Variants in CNTLN observed in about 807,000 individuals in gnomAD.
The protein encoded by CNTLN is centlein, also known as centlein, centrosomal protein.
In CNTLN, 212 loss-of-function variants were observed where a neutral mutation model predicts 180.0. The ratio of observed to expected loss-of-function variants is 1.18; its 90% CI spans 1.05 to 1.32. The LOEUF (loss-of-function observed/expected upper bound fraction) is 1.32, where lower values mean the gene tolerates loss of function less well. Ranked by LOEUF, CNTLN falls within the 40% of genes most tolerant of loss-of-function variation. CNTLN has a pLI of 0.00. For synonymous variants in CNTLN, 722 were observed against 563.1 expected (o/e 1.28, Z -3.99); for missense variants, 2,095 against 1,610.9 (o/e 1.30, Z -5.14).
At position 17,143,292 on chromosome 9, in the gene CNTLN, A is replaced by G; in HGVS notation, c.365A>G (p.Asp122Gly). The G allele has an allele frequency of 1.2e-6, 2 of 1,610,246 alleles. No individual in the cohort carries two copies. Among genetic ancestry groups the G allele is most frequent in the Non-Finnish European group, 1.7e-6 (2 of 1,177,226 alleles). ...ATTCTCTTTTATTTCTTTAAGGCTGATAAAGAATTTGTATGGTCTTTGTGG... is the reference window on the plus strand; with the variant it reads ...ATTCTCTTTTATTTCTTTAAGGCTGGTAAAGAATTTGTATGGTCTTTGTGG... ...LKEELALCQA[D>G]KEFVWSLWKR... is the part of the protein sequence containing the mutation. The change falls in exon 2 of 26, where the codon GAT (aspartate) becomes GGT (glycine). Residue 122 changes from aspartate (D) to glycine (G), a missense_variant. Transcript: ENST00000380647.
At chr9:17,336,536 A>AT (rs1431037691) in intron 10 of CNTLN, among the ~76,000 whole-genome samples, 2 of 152,130 alleles carry the variant, frequency 1.3e-5, no homozygotes, top group African/African-American at 2.4e-5. Flanking sequence ...ATTTTAAAAG[A>AT]TTTTTTCTTA....
chr9:17,490,798 A>G (rs1441624695), intron 25 of CNTLN, among the ~76,000 whole-genome samples: 1 of 152,150 alleles, frequency 6.6e-6, no homozygotes. Flanking sequence ...AAAAGAATAC[A>G]TTTAAAAGTA....
intron 5 of CNTLN, among the ~76,000 whole-genome samples, chr9:17,267,685 G>A (rs960671859): frequency 2.0e-5 from 3 of 152,122 alleles, no homozygotes; most frequent in Non-Finnish European, 1.5e-5. Context: ...CCAATCAGAC[G>A]TAGATTTGGT....
chr9:17,162,705 G>T (rs1395023426), intron 2 of CNTLN, among the ~76,000 whole-genome samples: 1 of 152,176 alleles, frequency 6.6e-6, no homozygotes, highest in Admixed American at 6.5e-5. Context: ...TGCACCTGAG[G>T]ATGGAGGGAG....
intron 5 of CNTLN, among the ~76,000 whole-genome samples, chr9:17,267,081 A>G (rs984085567): frequency 6.6e-5 from 10 of 152,062 alleles, no homozygotes; most frequent in African/African-American, 1.7e-4. Flanking sequence ...GCCTGTCATT[A>G]TGATGTTAGC....
At chr9:17,191,821 A>G (rs1821805745) in intron 2 of CNTLN, among the ~76,000 whole-genome samples, 1 of 152,230 alleles carries the variant, frequency 6.6e-6, no homozygotes, top group Admixed American at 6.5e-5. Flanking sequence ...ATGAATAAAC[A>G]GAAAAGAAAA....
intron 25 of CNTLN, among the ~76,000 whole-genome samples, chr9:17,493,066 C>T (rs1459162709): frequency 6.6e-6 from 1 of 152,026 alleles, no homozygotes; most frequent in East Asian, 1.9e-4. Context: ...TTGTCAAGGG[C>T]TGGTGGAACG....
At chr9:17,506,778 G>A (rs1482960185), downstream of CNTLN, among the ~76,000 whole-genome samples, 1 of 152,008 alleles carries the variant, frequency 6.6e-6, no homozygotes, top group African/African-American at 2.4e-5. Flanking sequence ...CCTTTTATTG[G>A]CCTATGTTCA....
chr9:17,320,413 T>C (rs1819829310), intron 8 of CNTLN, among the ~76,000 whole-genome samples: 1 of 151,904 alleles, frequency 6.6e-6, no homozygotes, highest in Non-Finnish European at 1.5e-5. Flanking sequence ...TCCATGAAGA[T>C]AACTACCATG....
intron 5 of CNTLN, among the ~76,000 whole-genome samples, chr9:17,243,842 A>G (rs531970456): frequency 1.4e-3 from 216 of 152,256 alleles, no homozygotes; most frequent in African/African-American, 4.7e-3. Context: ...TGTAGTGCAG[A>G]TGAGTCTGTT....
chr9:17,328,050 T>G (rs542875137), intron 8 of CNTLN, among the ~76,000 whole-genome samples: 1 of 152,318 alleles, frequency 6.6e-6, no homozygotes, highest in South Asian at 2.1e-4. Flanking sequence ...TTACAGTCCC[T>G]CTACTTAGAA....
rs370657579 is a variant in CNTLN at position 17,202,406 on chromosome 9, A to T, written c.450-23797A>T. Among the ~76,000 whole-genome samples, 171 of 151,650 alleles carry T rather than the reference A, an allele frequency of 1.1e-3. 3 individuals carry two copies. In the South Asian group the frequency reaches 0.033, roughly 29 times the overall value. On this transcript the variant is annotated intron_variant, in intron 2 of 25. Transcript: ENST00000380647. ...AATATCCTTGTTAATTTTCTGTCTC[A>T]TTATTGACAGTGGGGTGTTAAACTC...
At chr9:17,383,039 A>G (rs879737764) in intron 13 of CNTLN, among the ~76,000 whole-genome samples, 1 of 152,118 alleles carries the variant, frequency 6.6e-6, no homozygotes, top group Non-Finnish European at 1.5e-5. Context: ...CTTTAACAAT[A>G]GAACTGAGGT....
intron 2 of CNTLN, among the ~76,000 whole-genome samples, chr9:17,185,771 T>TTGTGTGTGTG (rs371473319): frequency 0.021 from 3,056 of 143,684 alleles, 67 homozygotes; most frequent in African/African-American, 0.055. Context: ...TGTTTCCCAT[T>TTGTGTGTGTG]TGTGTGTGTG....
intron 3 of CNTLN, among the ~76,000 whole-genome samples, chr9:17,233,606 A>G (rs1824946363): frequency 1.3e-5 from 2 of 152,304 alleles, no homozygotes; most frequent in South Asian, 4.1e-4. Context: ...TGTTCATAGC[A>G]GTATTGTTTG....
intron 13 of CNTLN, among the ~76,000 whole-genome samples, chr9:17,367,619 C>G (rs1583989): frequency 2.6e-5 from 4 of 151,534 alleles, no homozygotes; most frequent in Non-Finnish European, 5.9e-5. Flanking sequence ...GAAGAAAGAT[C>G]AAATAGGTCT....
At chr9:17,228,848 A>G (rs1285478529) in intron 3 of CNTLN, among the ~76,000 whole-genome samples, 1 of 152,104 alleles carries the variant, frequency 6.6e-6, no homozygotes, top group African/African-American at 2.4e-5. Context: ...CCAGGAGAAC[A>G]GTGGCGTTAT....
chr9:17,170,984 T>G (rs559694121), intron 2 of CNTLN, among the ~76,000 whole-genome samples: 22 of 152,230 alleles, frequency 1.4e-4, no homozygotes, highest in Non-Finnish European at 2.9e-4. Flanking sequence ...GACTGTACCA[T>G]ATAGCCTAGG....
intron 3 of CNTLN, among the ~76,000 whole-genome samples, chr9:17,229,421 G>T (rs1008168684): frequency 2.6e-5 from 4 of 152,200 alleles, no homozygotes; most frequent in African/African-American, 9.6e-5. Flanking sequence ...TAGTGGGATG[G>T]ATTGATTGAT....
Sources: allele counts gnomAD v4.1 joint callset (sites outside exome capture counted in the v4.1 genomes callset), GRCh38; gene constraint gnomAD v4.1.1; transcripts MANE v1.5; gene names NCBI Gene and HGNC (gene_info 2026-07-23, HGNC 2026-07-21).